The following MAP3K13 variants were observed in gnomAD, a reference collection of about 807,000 sequenced individuals.
MAP3K13 encodes the protein mitogen-activated protein kinase kinase kinase 13, also known as leucine zipper-bearing kinase.
In MAP3K13, 52 loss-of-function variants were observed where a neutral mutation model predicts 104.0. The observed-to-expected ratio is 0.50, with a 90% CI of 0.40 to 0.63. The LOEUF is 0.63. Among genes scored for constraint, MAP3K13 ranks in the 20% least tolerant of loss-of-function variants. MAP3K13 has a pLI of 0.00. For synonymous variants in MAP3K13, 394 were observed against 442.2 expected, an observed-to-expected ratio of 0.89 and a Z score of 1.37; for missense variants, 914 against 1,218.5, an observed-to-expected ratio of 0.75 and a Z score of 3.72.
rs1306755813 is a variant in MAP3K13 at position 185,482,163 on chromosome 3, C to G, written c.2800-192C>G. 1.3e-5 allele frequency among the ~76,000 whole-genome samples: 2 copies of G among 152,230 alleles called. No homozygotes were observed. Among genetic ancestry groups the G allele is most frequent in the African/African-American group, 4.8e-5 (2 of 41,468 alleles). On this transcript the variant is annotated intron_variant, in intron 13 of 13. Coordinates refer to ENST00000265026, the MANE Select transcript of MAP3K13 (RefSeq NM_004721.5). This position sits in a 1 kb window ranked among gnomAD's most constrained non-coding sequence, Gnocchi z 4.5. ...TATATAAGTGGTTGTGTGGTGGGCA[C>G]TGTTTTTATTGTCGTAGCAATCATA...
At position 185,482,702 on chromosome 3, in the gene MAP3K13, T is replaced by C; in HGVS notation, c.*246T>C. The C allele has an allele frequency of 2.3e-6, 1 of 438,124 alleles. No individual in the cohort carries two copies. Among genetic ancestry groups the C allele is most frequent in the Non-Finnish European group, 4.1e-6 (1 of 245,318 alleles). 27.1% of individuals were successfully genotyped at this position (438,124 alleles called of 1,614,324 possible). Reference sequence around the variant, plus strand: ...TCAAGAATGGCAGGGATCTATTTTATTGAATATTCTAGCTACTGTAACATT... The same window carrying C: ...TCAAGAATGGCAGGGATCTATTTTACTGAATATTCTAGCTACTGTAACATT... On this transcript the variant is annotated 3_prime_UTR_variant, in exon 14 of 14. Transcript: ENST00000265026. This position sits in a 1 kb window ranked among gnomAD's most constrained non-coding sequence, Gnocchi z 4.5.
intron 1 of MAP3K13, among the ~76,000 whole-genome samples, chr3:185,398,305 A>G (rs1018923616): frequency 1.3e-5 from 2 of 152,192 alleles, no homozygotes; most frequent in South Asian, 2.1e-4. Flanking sequence ...TTTAGGGTTT[A>G]TCAGATGCAC....
At chr3:185,401,522 T>C (rs1272886245) in intron 1 of MAP3K13, among the ~76,000 whole-genome samples, 2 of 152,162 alleles carry the variant, frequency 1.3e-5, no homozygotes, top group African/African-American at 4.8e-5. Context: ...TCCATTACCA[T>C]GTAGCAGGAT....
At chr3:185,406,866 C>T (rs1713144472) in intron 1 of MAP3K13, among the ~76,000 whole-genome samples, 1 of 152,080 alleles carries the variant, frequency 6.6e-6, no homozygotes, top group Admixed American at 6.6e-5. Flanking sequence ...AATGAACCGG[C>T]TTGTTTTCAT....
chr3:185,457,568 T>C (rs1344251001), intron 7 of MAP3K13, among the ~76,000 whole-genome samples: 1 of 152,188 alleles, frequency 6.6e-6, no homozygotes, highest in East Asian at 1.9e-4. Flanking sequence ...TCTGCCCTCA[T>C]GACCTAATTA....
chr3:185,456,689 C>T (rs1232075673), intron 7 of MAP3K13, among the ~76,000 whole-genome samples: 1 of 149,892 alleles, frequency 6.7e-6, no homozygotes, highest in African/African-American at 2.5e-5. Flanking sequence ...GCAGCCTCCA[C>T]CTCCCGAGTT....
intron 1 of MAP3K13, among the ~76,000 whole-genome samples, chr3:185,364,358 C>T (rs780902325): frequency 1.3e-5 from 2 of 152,160 alleles, no homozygotes. Flanking sequence ...GGCAGCTCCT[C>T]AACCCGAATA....
chr3:185,303,864 T>G (rs1333014334), intron 2 of MAP3K13, among the ~76,000 whole-genome samples: 1 of 152,026 alleles, frequency 6.6e-6, no homozygotes, highest in African/African-American at 2.4e-5. Flanking sequence ...ATACTAATAC[T>G]GGGTTTAGTT....
At chr3:185,303,455 TTTG>T (rs766151526) in intron 2 of MAP3K13, among the ~76,000 whole-genome samples, 7 of 152,110 alleles carry the variant, frequency 4.6e-5, no homozygotes, top group Admixed American at 3.3e-4. Flanking sequence ...CCTGGCTGTT[TTTG>T]TTGTTGTTGG....
Position 185,418,516 on chromosome 3 carries a change from C to A in MAP3K13, c.-85-9981C>A, listed in dbSNP as rs61734189. 2.8e-4 allele frequency: 458 copies of A among 1,612,070 alleles called. No individual in the cohort carries two copies. In the African/African-American group the frequency reaches 5.6e-3, roughly 20 times the overall value. The stretch of plus-strand genomic sequence containing the variant: ...ACACATGTTTCCAAAAGCACCCTGG[C>A]CAGAGCGGTGAGTCCCACCACCTCG... On this transcript the variant is annotated intron_variant, in intron 1 of 13. Coordinates refer to ENST00000265026, the MANE Select transcript of MAP3K13 (RefSeq NM_004721.5). This position sits in a 1 kb window ranked among gnomAD's most constrained non-coding sequence, Gnocchi z 4.5.
At chr3:185,429,114 C>A in intron 2 of MAP3K13, 58 bp downstream of exon 2, 1 of 1,485,908 alleles carries the variant, frequency 6.7e-7, no homozygotes, top group South Asian at 1.3e-5. Flanking sequence ...ATCACCACCA[C>A]CGTCACCACC....
At chr3:185,417,220 A>G (rs1375939088) in intron 1 of MAP3K13, among the ~76,000 whole-genome samples, 1 of 152,192 alleles carries the variant, frequency 6.6e-6, no homozygotes, top group African/African-American at 2.4e-5. Context: ...GTATTTCTTT[A>G]TCTTCTACTT....
At chr3:185,470,548 CT>C (rs1381443714) in intron 10 of MAP3K13, among the ~76,000 whole-genome samples, 1 of 152,186 alleles carries the variant, frequency 6.6e-6, no homozygotes, top group Non-Finnish European at 1.5e-5. Flanking sequence ...TGAGCTCTGT[CT>C]TTCCTCCTTC....
intron 1 of MAP3K13, among the ~76,000 whole-genome samples, chr3:185,388,782 A>G (rs1328995060): frequency 6.6e-6 from 1 of 152,208 alleles, no homozygotes; most frequent in Non-Finnish European, 1.5e-5. Context: ...TGACTCCAAA[A>G]TACACTACAA....
intron 1 of MAP3K13, among the ~76,000 whole-genome samples, chr3:185,382,967 C>G (rs966007922): frequency 6.6e-6 from 1 of 151,378 alleles, no homozygotes; most frequent in African/African-American, 2.4e-5. Flanking sequence ...CCCACTAACT[C>G]GTCATCTAGC....
chr3:185,480,600 CT>C, intron 13 of MAP3K13, 71 bp downstream of exon 13: 1 of 1,475,194 alleles, frequency 6.8e-7, no homozygotes, highest in Non-Finnish European at 9.1e-7. Flanking sequence ...TCTCTAGGGC[CT>C]TTACAATTTT....
intron 2 of MAP3K13, chr3:185,292,700 A>G (rs1720785973): frequency 6.1e-6 from 6 of 985,306 alleles, no homozygotes; most frequent in Non-Finnish European, 7.2e-6. Context: ...ACTCACTGAA[A>G]GCATGTACCA....
intron 11 of MAP3K13, chr3:185,477,042 C>T (rs2148927185): frequency 1.8e-6 from 1 of 563,450 alleles, no homozygotes; most frequent in South Asian, 1.5e-5. Context: ...CCATCACTCA[C>T]CTCTGGACAC....
chr3:185,334,603 CT>C (rs67702394), intron 2 of MAP3K13, among the ~76,000 whole-genome samples: 108,378 of 144,894 alleles, frequency 0.75, 40,767 homozygotes, highest in Non-Finnish European at 0.82. Context: ...AATGGATTTT[CT>C]TTTTTTTTTT....
Sources: gnomAD v4.1 joint callset for allele counts (sites outside exome capture counted in the v4.1 genomes callset) on GRCh38, gnomAD v4.1.1 for gene constraint, Gnocchi (gnomAD v3.1) non-coding constraint, MANE v1.5 for transcripts, NCBI Gene and HGNC (gene_info 2026-07-23, HGNC 2026-07-21) for gene names.